The following COL21A1 variants were observed in gnomAD, a reference collection of about 807,000 sequenced individuals.
COL21A1 encodes the protein collagen alpha-1(XXI) chain.
In COL21A1, 149 loss-of-function variants were observed where a neutral mutation model predicts 137.9. The ratio of observed to expected loss-of-function variants is 1.08; its 90% CI spans 0.95 to 1.24. The LOEUF (loss-of-function observed/expected upper bound fraction) is 1.24, where lower values mean the gene tolerates loss of function less well. Among genes scored for constraint, COL21A1 ranks in the 50% most tolerant of loss-of-function variants. The pLI, the probability that COL21A1 is intolerant of heterozygous loss-of-function variation, is 0.00. For synonymous variants in COL21A1, 456 were observed against 391.5 expected (o/e 1.16, Z -1.95); for missense variants, 1,167 against 1,158.4 (o/e 1.01, Z -0.11).
intron 1 of COL21A1, among the ~76,000 whole-genome samples, chr6:56,321,998 T>C (rs1764880875): frequency 6.6e-6 from 1 of 152,098 alleles, no homozygotes. Context: ...CAGCATGCAA[T>C]GAAAAGTGGA....
chr6:56,255,648 G>A (rs1782951037), intron 1 of COL21A1, among the ~76,000 whole-genome samples: 1 of 152,200 alleles, frequency 6.6e-6, no homozygotes. Context: ...CTCTCTGTGT[G>A]TCATACTTAC....
At position 56,204,491 on chromosome 6, in the gene COL21A1, T is replaced by G. The variant is rs564134643; in HGVS notation, c.-38-21835A>C. ...GGCAGCAACCCCAGCCAGGGTCTGA[T>G]AAGATAAAACTCCCATCTCCCTGGG... On this transcript the variant is annotated intron_variant, in intron 1 of 29. Transcript: ENST00000244728. 1.1e-4 allele frequency among the ~76,000 whole-genome samples: 16 copies of G among 152,172 alleles called. 1 individual carries two copies. The South Asian group carries it at 3.1e-3, about 30-fold the overall frequency.
At chr6:56,155,108 T>G (rs1158156405) in intron 10 of COL21A1, among the ~76,000 whole-genome samples, 1 of 149,554 alleles carries the variant, frequency 6.7e-6, no homozygotes, top group African/African-American at 2.4e-5. Context: ...TGTGTTGTTC[T>G]CCTCTATGCG....
At chr6:56,172,123 G>A (rs955630835) in intron 3 of COL21A1, among the ~76,000 whole-genome samples, 1 of 150,286 alleles carries the variant, frequency 6.7e-6, no homozygotes, top group African/African-American at 2.4e-5. Context: ...TTAAAGAGAT[G>A]AGGCCAACAA....
intron 1 of COL21A1, among the ~76,000 whole-genome samples, chr6:56,344,391 T>C (rs12204179): frequency 0.16 from 25,059 of 152,204 alleles, 2,223 homozygotes; most frequent in Non-Finnish European, 0.18. Flanking sequence ...GTTTTACAAA[T>C]AAATATCATA....
At position 56,125,583 on chromosome 6, in the gene COL21A1, C is replaced by T; in HGVS notation, c.1634G>A (p.Gly545Glu). 6.2e-7 allele frequency: 1 copy of T among 1,601,266 alleles called. No homozygotes were observed. Among genetic ancestry groups the T allele is most frequent in the Non-Finnish European group, 8.5e-7 (1 of 1,171,538 alleles). The change falls in exon 14 of 30, where the codon GGA (glycine) becomes GAA (glutamate). Residue 545 changes from glycine to glutamate, a missense_variant. Transcript: ENST00000244728. Reference sequence around the variant, plus strand: ...TATACTTCCCTTTTTGCCATAAAATCCAGGTGATCCTTTGTCTCCTTTGGC... The same window carrying T: ...TATACTTCCCTTTTTGCCATAAAATTCAGGTGATCCTTTGTCTCCTTTGGC... Reference protein sequence around the residue: ...MGAKGDKGSPGFYGKKGAKGE... With the variant: ...MGAKGDKGSPEFYGKKGAKGE...
chr6:56,323,152 G>A (rs1206146374), intron 1 of COL21A1, among the ~76,000 whole-genome samples: 1 of 151,994 alleles, frequency 6.6e-6, no homozygotes, highest in Non-Finnish European at 1.5e-5. Context: ...TGTATCCTTT[G>A]AATTTACAAG....
At chr6:56,114,962 G>A (rs1204019136) in intron 16 of COL21A1, among the ~76,000 whole-genome samples, 23 of 150,276 alleles carry the variant, frequency 1.5e-4, no homozygotes, top group African/African-American at 5.7e-4. Flanking sequence ...AGAAAATGTG[G>A]CACATATACA....
intron 1 of COL21A1, among the ~76,000 whole-genome samples, chr6:56,341,632 C>T (rs927194580): frequency 4.6e-5 from 7 of 152,164 alleles, no homozygotes; most frequent in Non-Finnish European, 7.3e-5. Context: ...GTGAAACTAC[C>T]TTGTATGCTA....
intron 1 of COL21A1, among the ~76,000 whole-genome samples, chr6:56,346,892 T>C (rs759301091): frequency 7.2e-5 from 11 of 152,164 alleles, no homozygotes; most frequent in Admixed American, 2.6e-4. Context: ...CTCTATCCTC[T>C]GCGAGGATCT....
intron 16 of COL21A1, among the ~76,000 whole-genome samples, chr6:56,107,733 T>A (rs1326515893): frequency 6.6e-6 from 1 of 151,976 alleles, no homozygotes; most frequent in African/African-American, 2.4e-5. Context: ...TACTAAAATA[T>A]CAAGAATTCA....
At chr6:56,329,746 ATAGGTG>A (rs1243108086) in intron 1 of COL21A1, among the ~76,000 whole-genome samples, 1 of 152,102 alleles carries the variant, frequency 6.6e-6, no homozygotes, top group Non-Finnish European at 1.5e-5. Flanking sequence ...AGGACTTCCC[ATAGGTG>A]TAGCATGTAG....
Position 56,069,124 on chromosome 6 carries a change from A to G in COL21A1, c.2020-7T>C. 6.3e-7 allele frequency: 1 copy of G among 1,586,706 alleles called. No individual in the cohort carries two copies. The highest frequency in any genetic ancestry group is 8.6e-7 in the Non-Finnish European group (1 of 1,165,008). ...CCGTTGCTCCTGGTTCTCCCTATGTAACACAGAAATTCCAGAAAGATCACA... is the reference window on the plus strand; with the variant it reads ...CCGTTGCTCCTGGTTCTCCCTATGTGACACAGAAATTCCAGAAAGATCACA... On this transcript the variant is annotated splice_polypyrimidine_tract_variant and splice_region_variant and intron_variant, in intron 21 of 29. Coordinates refer to ENST00000244728, the MANE Select transcript of COL21A1 (RefSeq NM_030820.4).
chr6:56,075,382 T>C, intron 19 of COL21A1, 97 bp downstream of exon 19: 1 of 856,120 alleles, frequency 1.2e-6, no homozygotes, highest in Non-Finnish European at 1.8e-6. Context: ...TATTGCTGTA[T>C]CCCCTACATT....
intron 1 of COL21A1, among the ~76,000 whole-genome samples, chr6:56,189,261 G>C (rs1778504105): frequency 6.6e-6 from 1 of 151,918 alleles, no homozygotes; most frequent in African/African-American, 2.4e-5. Context: ...AACCAGTTTA[G>C]AGAAGAATAT....
chr6:56,068,446 T>C (rs1766450723), intron 22 of COL21A1, among the ~76,000 whole-genome samples: 1 of 151,588 alleles, frequency 6.6e-6, no homozygotes, highest in African/African-American at 2.4e-5. Context: ...ATTATTTATA[T>C]ACATACAAGT....
At chr6:56,372,006 G>A (rs1181569604) in intron 1 of COL21A1, among the ~76,000 whole-genome samples, 1 of 152,144 alleles carries the variant, frequency 6.6e-6, no homozygotes, top group Non-Finnish European at 1.5e-5. Flanking sequence ...GGGGGACAAG[G>A]CAACAAGTAT....
rs111537485 is a variant in COL21A1 at position 56,229,836 on chromosome 6, A to G, written c.-39+17551T>C. Among the ~76,000 whole-genome samples the G allele has an allele frequency of 2.5e-3, 377 of 152,066 alleles. 1 individual carries two copies. The highest frequency in any genetic ancestry group is 7.8e-3 in the African/African-American group (325 of 41,522). On this transcript the variant is annotated intron_variant, in intron 1 of 29. Transcript: ENST00000244728. ...ACCTGAAATTTATTTGACAAACAGA[A>G]CTAATAAGAATCTCCTATAAGTACA...
chr6:56,092,854 CAA>C (rs1768968133), intron 17 of COL21A1, among the ~76,000 whole-genome samples: 1 of 152,164 alleles, frequency 6.6e-6, no homozygotes, highest in Non-Finnish European at 1.5e-5. Context: ...CTGGAATGCA[CAA>C]GTCTGAAGTC....
Sources: gnomAD v4.1 joint callset for allele counts (sites outside exome capture counted in the v4.1 genomes callset) on GRCh38, gnomAD v4.1.1 for gene constraint, MANE v1.5 for transcripts, NCBI Gene and HGNC (gene_info 2026-07-23, HGNC 2026-07-21) for gene names.